Variants in SNX27 observed in about 807,000 individuals in gnomAD.
The protein encoded by SNX27 is sorting nexin-27.
SNX27 carries 22 observed loss-of-function variants against 71.6 expected under a neutral mutation model. That is an observed-to-expected ratio of 0.31 (90% CI 0.22 to 0.44). The LOEUF (loss-of-function observed/expected upper bound fraction) is 0.44. Among genes scored for constraint, SNX27 ranks in the 20% least tolerant of loss-of-function variants. The pLI is 1.00. For synonymous variants in SNX27, 269 were observed against 277.2 expected (o/e 0.97, Z 0.29); for missense variants, 531 against 698.6 (o/e 0.76, Z 2.70).
rs910660720 is a variant in SNX27, at chr1:151,628,298, C to A, written c.312-10590C>A. ...CTGGGATTGCAGGCATGAGCCACTGCGTCCGACCTTTTCTTGGCTTAATAG... is the reference window on the plus strand; with the variant it reads ...CTGGGATTGCAGGCATGAGCCACTGAGTCCGACCTTTTCTTGGCTTAATAG... On this transcript the variant is annotated intron_variant, in intron 1 of 11. Coordinates refer to ENST00000458013, the MANE Select transcript of SNX27 (RefSeq NM_001330723.2). 5.9e-5 allele frequency among the ~76,000 whole-genome samples: 9 copies of A among 152,256 alleles called. No individual in the cohort carries two copies. In the East Asian group the frequency reaches 1.5e-3, roughly 26 times the overall value.
chr1:151,670,886 G>C (rs1038088595), intron 7 of SNX27, among the ~76,000 whole-genome samples: 4 of 151,988 alleles, frequency 2.6e-5, no homozygotes, highest in African/African-American at 7.2e-5. Context: ...GAGTTTCCCT[G>C]ATTTTTTCTT....
At chr1:151,656,092 G>T (rs1669672638) in intron 2 of SNX27, among the ~76,000 whole-genome samples, 1 of 152,032 alleles carries the variant, frequency 6.6e-6, no homozygotes, top group South Asian at 2.1e-4. Flanking sequence ...CCATGGTGGT[G>T]GGTGCCTGTA....
At chr1:151,618,612 T>C (rs1437253832) in intron 1 of SNX27, among the ~76,000 whole-genome samples, 1 of 152,232 alleles carries the variant, frequency 6.6e-6, no homozygotes. Context: ...CTCTCAAAGA[T>C]AATTATTTTT....
intron 2 of SNX27, among the ~76,000 whole-genome samples, chr1:151,642,013 TAGATATATATGAGATATATATATATC>T (rs1558047194): frequency 2.1e-5 from 3 of 146,206 alleles, no homozygotes; most frequent in South Asian, 2.1e-4. Flanking sequence ...ATATCAGATA[TAGATATATATGAGATATATATATATC>T]AGATATATAT....
At chr1:151,693,520 T>C (rs1204160603) in intron 11 of SNX27, 37 bp downstream of exon 11, 1 of 1,613,460 alleles carries the variant, frequency 6.2e-7, no homozygotes, top group Non-Finnish European at 8.5e-7. Flanking sequence ...CCTTTTCATC[T>C]TTTTGTTTCT....
intron 2 of SNX27, among the ~76,000 whole-genome samples, chr1:151,651,352 G>T (rs540749392): frequency 4.0e-5 from 6 of 149,042 alleles, no homozygotes; most frequent in Non-Finnish European, 7.5e-5. Flanking sequence ...CCTCCCTCCC[G>T]GATGGGGCGG....
chr1:151,658,156 A>G, intron 2 of SNX27, 79 bp from the exon 3 acceptor site: 2 of 1,356,068 alleles, frequency 1.5e-6, no homozygotes, highest in South Asian at 1.4e-5. Flanking sequence ...TCTAACCAAT[A>G]TCATCTAAGC....
intron 2 of SNX27, among the ~76,000 whole-genome samples, chr1:151,639,676 G>A (rs1196110625): frequency 6.6e-6 from 1 of 152,148 alleles, no homozygotes; most frequent in Non-Finnish European, 1.5e-5. Context: ...CAATTCCCAT[G>A]AGCTGTTTCA....
chr1:151,650,292 A>G (rs12073164), intron 2 of SNX27, among the ~76,000 whole-genome samples: 3,064 of 152,170 alleles, frequency 0.02, 102 homozygotes, highest in African/African-American at 0.069. Context: ...CTCCCAAAGC[A>G]CTGAGATTAC....
At chr1:151,679,195 C>G (rs754641485) in intron 7 of SNX27, 2 of 152,082 alleles carry the variant, frequency 1.3e-5, no homozygotes, top group Non-Finnish European at 2.9e-5. Flanking sequence ...TTATAAGATG[C>G]ACCATTATTT....
intron 7 of SNX27, among the ~76,000 whole-genome samples, chr1:151,681,728 T>C (rs1347590405): frequency 6.6e-6 from 1 of 151,872 alleles, no homozygotes; most frequent in African/African-American, 2.4e-5. Flanking sequence ...CCATTTCTTA[T>C]TGCTTATTTT....
intron 1 of SNX27, among the ~76,000 whole-genome samples, chr1:151,629,657 C>T (rs1295512832): frequency 6.7e-6 from 1 of 149,480 alleles, no homozygotes; most frequent in Non-Finnish European, 1.5e-5. Flanking sequence ...AATCTCAGCT[C>T]ACTGCAACCT....
intron 7 of SNX27, among the ~76,000 whole-genome samples, chr1:151,672,979 C>T (rs1331680692): frequency 6.7e-6 from 1 of 148,792 alleles, no homozygotes; most frequent in African/African-American, 2.5e-5. Flanking sequence ...TAATTTATTT[C>T]TGCTCTAATC....
intron 2 of SNX27, among the ~76,000 whole-genome samples, chr1:151,657,705 T>C (rs1380257739): frequency 6.6e-6 from 1 of 152,178 alleles, no homozygotes; most frequent in Non-Finnish European, 1.5e-5. Flanking sequence ...TTTAAAAGTA[T>C]GCTAGAGGTC....
chr1:151,635,875 C>T (rs1487277168), intron 1 of SNX27, among the ~76,000 whole-genome samples: 1 of 152,048 alleles, frequency 6.6e-6, no homozygotes, highest in Non-Finnish European at 1.5e-5. Context: ...TCCCTTGCTC[C>T]CTGATGGCTC....
intron 2 of SNX27, among the ~76,000 whole-genome samples, chr1:151,643,615 A>G (rs1668888297): frequency 6.6e-6 from 1 of 151,366 alleles, no homozygotes; most frequent in African/African-American, 2.4e-5. Context: ...TTAAGATATG[A>G]TTTATATACC....
intron 1 of SNX27, among the ~76,000 whole-genome samples, chr1:151,631,832 C>T (rs1162625707): frequency 6.6e-6 from 1 of 152,018 alleles, no homozygotes; most frequent in Non-Finnish European, 1.5e-5. Context: ...ACCACCAGGC[C>T]CAGCTAATTT....
At chr1:151,644,663 C>CA in intron 2 of SNX27, among the ~76,000 whole-genome samples, 1 of 152,208 alleles carries the variant, frequency 6.6e-6, no homozygotes, top group East Asian at 1.9e-4. Context: ...CATATGGTAA[C>CA]TCTTTAGGTT....
chr1:151,615,024 T>C (rs964750199), intron 1 of SNX27, among the ~76,000 whole-genome samples: 1 of 152,248 alleles, frequency 6.6e-6, no homozygotes, highest in Non-Finnish European at 1.5e-5. Context: ...GGACTTGCCT[T>C]AGGCTCAGGT....
Sources: gnomAD v4.1 joint callset for allele counts (sites outside exome capture counted in the v4.1 genomes callset) on GRCh38, gnomAD v4.1.1 for gene constraint, MANE v1.5 for transcripts, NCBI Gene and HGNC (gene_info 2026-07-23, HGNC 2026-07-21) for gene names.